Variants in AGAP1 observed in about 807,000 individuals in gnomAD.
AGAP1 encodes the protein arf-GAP with GTPase, ANK repeat and PH domain-containing protein 1.
AGAP1 carries 29 observed loss-of-function variants against 105.3 expected under a neutral mutation model. The observed-to-expected ratio is 0.28, with a 90% CI of 0.21 to 0.38. The LOEUF (loss-of-function observed/expected upper bound fraction) is 0.38, where lower values mean the gene tolerates loss of function less well. AGAP1 is among the 10% of genes least tolerant of loss of function. The pLI, the probability that AGAP1 is intolerant of heterozygous loss-of-function variation, is 1.00. For synonymous variants in AGAP1, 509 were observed against 485.9 expected (o/e 1.05, Z -0.63); for missense variants, 998 against 1,165.1 (o/e 0.86, Z 2.09).
intron 1 of AGAP1, among the ~76,000 whole-genome samples, chr2:235,495,910 C>G (rs1285713901): frequency 6.6e-6 from 1 of 152,190 alleles, no homozygotes; most frequent in African/African-American, 2.4e-5. Context: ...ATAATACAGA[C>G]TGGCCGGTAA....
At chr2:235,880,318 G>A (rs1188671303) in intron 9 of AGAP1, among the ~76,000 whole-genome samples, 9 of 152,028 alleles carry the variant, frequency 5.9e-5, no homozygotes, top group South Asian at 4.2e-4. Context: ...GTGGAGCCCC[G>A]AGGGTGTGCG....
chr2:235,756,848 C>A (rs186010636), intron 6 of AGAP1, among the ~76,000 whole-genome samples: 72 of 152,272 alleles, frequency 4.7e-4, no homozygotes, highest in African/African-American at 1.6e-3. Context: ...CGTTTCATCC[C>A]AAAACCATCC....
At position 235,867,574 on chromosome 2, in the gene AGAP1, T is replaced by TGTGTGTGTGCGC. The variant is rs1380487646; in HGVS notation, c.1051-15770_1051-15769insTGTGTGTGCGCG. Among the ~76,000 whole-genome samples, 6 of 147,582 alleles carry TGTGTGTGTGCGC rather than the reference T, an allele frequency of 4.1e-5. No homozygotes were observed. Among genetic ancestry groups the TGTGTGTGTGCGC allele is most frequent in the Non-Finnish European group, 6.0e-5 (4 of 66,364 alleles). ...GTGTGTGTGTGTGTGTGTGTGTGTG[T>TGTGTGTGTGCGC]GCAAGTGAGGGAGGGTGACCCCCAC... is the stretch of plus-strand genomic sequence containing the variant. On this transcript the variant is annotated intron_variant, in intron 9 of 17. Coordinates refer to ENST00000304032, the MANE Select transcript of AGAP1 (RefSeq NM_001037131.3). The surrounding 1 kb of genome is among the most constrained non-coding windows in gnomAD (Gnocchi z 5.4).
At chr2:236,102,274 G>A (rs529656778) in intron 16 of AGAP1, among the ~76,000 whole-genome samples, 52 of 151,952 alleles carry the variant, frequency 3.4e-4, no homozygotes, top group South Asian at 6.3e-4. Context: ...AAAATTAGCC[G>A]GGCGTGGTGG....
chr2:235,539,179 A>G (rs1052819199), intron 1 of AGAP1, among the ~76,000 whole-genome samples: 4 of 152,198 alleles, frequency 2.6e-5, no homozygotes, highest in Admixed American at 6.5e-5. Flanking sequence ...ATGTGATTGC[A>G]TCTAATCAGG....
rs1331005916 is a variant in AGAP1, at chr2:235,557,014, T to TG, written c.163+62171dup. ...GTGCAACTCAGGGCTTTCTGGAGGTTGGGGGGCGGATCCCGAAGGCAGACT... is the reference window on the plus strand; with the variant it reads ...GTGCAACTCAGGGCTTTCTGGAGGTTGGGGGGGCGGATCCCGAAGGCAGACT... On this transcript the variant is annotated intron_variant, in intron 1 of 17. Transcript: ENST00000304032. This position sits in a 1 kb window ranked among gnomAD's most constrained non-coding sequence, Gnocchi z 4.7. Among the ~76,000 whole-genome samples the TG allele has an allele frequency of 6.6e-6, 1 of 152,132 alleles. No homozygotes were observed. Among genetic ancestry groups the TG allele is most frequent in the Non-Finnish European group, 1.5e-5 (1 of 68,024 alleles).
chr2:235,861,612 G>A (rs2048930901), intron 9 of AGAP1, among the ~76,000 whole-genome samples: 1 of 152,220 alleles, frequency 6.6e-6, no homozygotes, highest in Non-Finnish European at 1.5e-5. Flanking sequence ...GGCAGCCTCT[G>A]CCTGTGATTT....
Position 236,003,488 on chromosome 2 carries a change from A to T in AGAP1, c.1646-33073A>T, listed in dbSNP as rs2056206661. On this transcript the variant is annotated intron_variant, in intron 13 of 17. Coordinates refer to ENST00000304032, the MANE Select transcript of AGAP1 (RefSeq NM_001037131.3). This position sits in a 1 kb window ranked among gnomAD's most constrained non-coding sequence, Gnocchi z 4.2. ...ACGTCCTCCTCATGGCCACGCTGGG[A>T]TGGAGGTGGACTCTGAGCACAGACA... Among the ~76,000 whole-genome samples, 1 of 152,192 alleles carries T rather than the reference A, an allele frequency of 6.6e-6. No homozygotes were observed. Among genetic ancestry groups the T allele is most frequent in the African/African-American group, 2.4e-5 (1 of 41,452 alleles).
rs966732450 is a variant in AGAP1, at chr2:235,936,676, G to T, written c.1483+5753G>T. Reference sequence around the variant, plus strand: ...TTTAGTGTATGACCAGCAGGCGGCGGTAATGTGATACTGCCGGTCTCTGAC... The same window carrying T: ...TTTAGTGTATGACCAGCAGGCGGCGTTAATGTGATACTGCCGGTCTCTGAC... On this transcript the variant is annotated intron_variant, in intron 12 of 17. Transcript: ENST00000304032. The surrounding 1 kb of genome is among the most constrained non-coding windows in gnomAD (Gnocchi z 4.7). Among the ~76,000 whole-genome samples the T allele has an allele frequency of 7.9e-5, 12 of 152,146 alleles. No individual in the cohort carries two copies. The highest frequency in any genetic ancestry group is 2.9e-4 in the African/African-American group (12 of 41,434).
At chr2:235,495,897 T>C (rs1328721162) in intron 1 of AGAP1, among the ~76,000 whole-genome samples, 11 of 152,160 alleles carry the variant, frequency 7.2e-5, no homozygotes, top group African/African-American at 2.4e-4. Flanking sequence ...GAGTGGCTTG[T>C]CCATAATACA....
rs548588977 is a variant in AGAP1 at position 235,596,913 on chromosome 2, A to C, written c.163+102064A>C. Among the ~76,000 whole-genome samples, 1 of 152,138 alleles carries C rather than the reference A, an allele frequency of 6.6e-6. No homozygotes were observed. Among genetic ancestry groups the C allele is most frequent in the Admixed American group, 6.5e-5 (1 of 15,282 alleles). ...CTCAGGAGCGCTTGCTCTGTACCCT[A>C]TGAGGACATCATGAGGAGATATGGC... On this transcript the variant is annotated intron_variant, in intron 1 of 17. Transcript: ENST00000304032. This position sits in a 1 kb window ranked among gnomAD's most constrained non-coding sequence, Gnocchi z 5.9.
rs973967992 is a variant in AGAP1 at position 235,517,995 on chromosome 2, G to A, written c.163+23146G>A. 3.3e-5 allele frequency among the ~76,000 whole-genome samples: 5 copies of A among 151,696 alleles called. No homozygotes were observed. The highest frequency in any genetic ancestry group is 5.9e-5 in the Non-Finnish European group (4 of 67,978). Reference sequence around the variant, plus strand: ...TAGTTGCCATTGAGGTCTGAGTCCCGGCTTGCCTCAGTTGGGGTTCTTGCC... The same window carrying A: ...TAGTTGCCATTGAGGTCTGAGTCCCAGCTTGCCTCAGTTGGGGTTCTTGCC... On this transcript the variant is annotated intron_variant, in intron 1 of 17. Transcript: ENST00000304032. The surrounding 1 kb of genome is among the most constrained non-coding windows in gnomAD (Gnocchi z 4.1).
chr2:235,877,628 T>C lies in AGAP1; in HGVS notation c.1051-5717T>C, dbSNP rs528719871. ...GACCTAGGAAGTCGGAGATGCCAACTCGGGCAGTGGAATCCAGTGGTGGTT... is the reference window on the plus strand; with the variant it reads ...GACCTAGGAAGTCGGAGATGCCAACCCGGGCAGTGGAATCCAGTGGTGGTT... On this transcript the variant is annotated intron_variant, in intron 9 of 17. Transcript: ENST00000304032. This position sits in a 1 kb window ranked among gnomAD's most constrained non-coding sequence, Gnocchi z 4.3. 2.0e-5 allele frequency among the ~76,000 whole-genome samples: 3 copies of C among 152,308 alleles called. No homozygotes were observed. The highest frequency in any genetic ancestry group is 2.9e-5 in the Non-Finnish European group (2 of 68,020).
chr2:235,662,559 T>C lies in AGAP1; in HGVS notation c.164-46620T>C, dbSNP rs1443111154. Among the ~76,000 whole-genome samples the C allele has an allele frequency of 6.6e-6, 1 of 150,702 alleles. No individual in the cohort carries two copies. The highest frequency in any genetic ancestry group is 1.5e-5 in the Non-Finnish European group (1 of 67,832). The stretch of plus-strand genomic sequence containing the variant: ...TTTGGCTCTGTTGCCCAGGCTGGAT[T>C]GCAGTGGTGGCATCTCAGCTCACTG... On this transcript the variant is annotated intron_variant, in intron 1 of 17. Transcript: ENST00000304032. The surrounding 1 kb of genome is among the most constrained non-coding windows in gnomAD (Gnocchi z 4.2).
chr2:235,754,781 G>A lies in AGAP1; in HGVS notation c.673+4293G>A, dbSNP rs1389912459. On this transcript the variant is annotated intron_variant, in intron 6 of 17. Transcript: ENST00000304032. This position sits in a 1 kb window ranked among gnomAD's most constrained non-coding sequence, Gnocchi z 4.6. ...ACTGTGCGTCTGGTCAGGGGCTAGA[G>A]GCAGATTGGGAAGCGCAGGCAGGGT... is the stretch of plus-strand genomic sequence containing the variant. Among the ~76,000 whole-genome samples, 1 of 152,194 alleles carries A rather than the reference G, an allele frequency of 6.6e-6. No individual in the cohort carries two copies. The highest frequency in any genetic ancestry group is 2.1e-4 in the South Asian group (1 of 4,824).
At chr2:236,010,882 A>T (rs931147441) in intron 13 of AGAP1, among the ~76,000 whole-genome samples, 4 of 152,152 alleles carry the variant, frequency 2.6e-5, no homozygotes, top group Non-Finnish European at 4.4e-5. Flanking sequence ...AAAATACACT[A>T]AAAAAGTACA....
rs1463211635 is a variant in AGAP1, at chr2:235,960,969, C to T, written c.1484-7493C>T. Among the ~76,000 whole-genome samples the T allele has an allele frequency of 2.0e-5, 3 of 152,264 alleles. No individual in the cohort carries two copies. The highest frequency in any genetic ancestry group is 3.4e-3 in the Middle Eastern group (1 of 294). On this transcript the variant is annotated intron_variant, in intron 12 of 17. Transcript: ENST00000304032. The surrounding 1 kb of genome is among the most constrained non-coding windows in gnomAD (Gnocchi z 4.9). ...CTGTGTGATACACCAGAAAGTGGTC[C>T]GTTCCATCCACCCGCGCAAGTGTCT...
In AGAP1 at chr2:236,000,596, C is replaced by T. The variant is rs373302405; in HGVS notation, c.1645+31973C>T. ...TGTGCAGAGGCTGGGCGAACACCAG[C>T]CCGAGCCTGACTTAAGCAGGATGGG... is the stretch of plus-strand genomic sequence containing the variant. On this transcript the variant is annotated intron_variant, in intron 13 of 17. Transcript: ENST00000304032. The surrounding 1 kb of genome is among the most constrained non-coding windows in gnomAD (Gnocchi z 4.3). 5.9e-5 allele frequency among the ~76,000 whole-genome samples: 9 copies of T among 152,268 alleles called. No individual in the cohort carries two copies. In the South Asian group the frequency reaches 1.4e-3, roughly 25 times the overall value.
intron 12 of AGAP1, among the ~76,000 whole-genome samples, chr2:235,938,178 G>A (rs1575827372): frequency 1.3e-5 from 2 of 152,202 alleles, no homozygotes; most frequent in South Asian, 4.1e-4. Flanking sequence ...GCCAGGCACA[G>A]GCCCCCAGGA....
Sources: allele counts gnomAD v4.1 joint callset (sites outside exome capture counted in the v4.1 genomes callset), GRCh38; gene constraint gnomAD v4.1.1; non-coding constraint Gnocchi (gnomAD v3.1); transcripts MANE v1.5; gene names NCBI Gene and HGNC (gene_info 2026-07-23, HGNC 2026-07-21).